The following NRXN1 variants were observed in gnomAD, a reference collection of about 807,000 sequenced individuals.
NRXN1 encodes neurexin 1.
NRXN1 carries 39 observed loss-of-function variants against 150.9 expected under a neutral mutation model. The ratio of observed to expected loss-of-function variants is 0.26; its 90% CI spans 0.20 to 0.34. NRXN1 has a LOEUF of 0.34. Ranked by LOEUF, NRXN1 falls within the 10% of genes least tolerant of loss-of-function variation. The pLI, the probability that NRXN1 is intolerant of heterozygous loss-of-function variation, is 1.00. For missense variants in NRXN1, 1,815 were observed against 1,949.9 expected (o/e 0.93, Z 1.30); for synonymous variants, 924 against 757.0 (o/e 1.22, Z -3.62).
At chr2:50,913,906 C>G (rs373003313) in intron 5 of NRXN1, among the ~76,000 whole-genome samples, 29 of 151,856 alleles carry the variant, frequency 1.9e-4, no homozygotes, top group East Asian at 1.8e-3. Context: ...AACAACCATT[C>G]TGAAAAGCTG....
At chr2:50,970,659 G>A (rs1198100835) in intron 2 of NRXN1, among the ~76,000 whole-genome samples, 1 of 151,988 alleles carries the variant, frequency 6.6e-6, no homozygotes, top group East Asian at 1.9e-4. Flanking sequence ...TCAGTTGAAG[G>A]AAAGCAAATA....
At chr2:50,155,562 A>G (rs546375099) in intron 18 of NRXN1, among the ~76,000 whole-genome samples, 17 of 151,726 alleles carry the variant, frequency 1.1e-4, no homozygotes, top group African/African-American at 4.1e-4. Flanking sequence ...ATTTGGTAAG[A>G]TCCTTCTCTA....
intron 5 of NRXN1, among the ~76,000 whole-genome samples, chr2:50,820,627 G>A (rs4140858): frequency 4.6e-5 from 7 of 151,936 alleles, no homozygotes; most frequent in East Asian, 1.9e-4. Context: ...TTTCATCCTC[G>A]CTCTACCCTC....
intron 18 of NRXN1, among the ~76,000 whole-genome samples, chr2:50,140,024 A>G (rs1343633109): frequency 6.6e-6 from 1 of 152,172 alleles, no homozygotes; most frequent in Non-Finnish European, 1.5e-5. Context: ...AAATTAGTTA[A>G]TACACAGAGC....
In NRXN1 at chr2:50,465,581, A is replaced by G. The variant is rs750520906; in HGVS notation, c.3245-20T>C. On this transcript the variant is annotated intron_variant, in intron 16 of 22. Coordinates refer to ENST00000401669, the MANE Select transcript of NRXN1 (RefSeq NM_001330078.2). ...TGGGCCCTGCAAAACAATCCAAAGG[A>G]AACTTGGGTTCTTTAAAAGAATCCA... The G allele has an allele frequency of 8.2e-6, 13 of 1,589,192 alleles. No homozygotes were observed. The South Asian group carries it at 1.3e-4, about 15-fold the overall frequency.
chr2:50,941,390 A>G (rs1689421728), intron 2 of NRXN1, among the ~76,000 whole-genome samples: 1 of 152,192 alleles, frequency 6.6e-6, no homozygotes, highest in African/African-American at 2.4e-5. Flanking sequence ...TGGAAGACTC[A>G]GAAGAAGACA....
intron 18 of NRXN1, among the ~76,000 whole-genome samples, chr2:50,220,414 A>G (rs1373572517): frequency 6.6e-6 from 1 of 151,966 alleles, no homozygotes; most frequent in South Asian, 2.1e-4. Context: ...AGAAATTCTG[A>G]AAAGATGCAG....
At chr2:50,086,474 G>C (rs1698787720) in intron 19 of NRXN1, among the ~76,000 whole-genome samples, 1 of 152,102 alleles carries the variant, frequency 6.6e-6, no homozygotes, top group South Asian at 2.1e-4. Flanking sequence ...TGGAGTCTTA[G>C]AGCATTTCTC....
At chr2:50,849,702 T>C (rs1674225482) in intron 5 of NRXN1, among the ~76,000 whole-genome samples, 1 of 152,194 alleles carries the variant, frequency 6.6e-6, no homozygotes, top group African/African-American at 2.4e-5. Flanking sequence ...TTCTCTTTGA[T>C]ACACTGATAA....
intron 17 of NRXN1, among the ~76,000 whole-genome samples, chr2:50,389,709 C>T (rs1346154652): frequency 3.9e-5 from 6 of 152,096 alleles, no homozygotes; most frequent in Admixed American, 2.6e-4. Flanking sequence ...TTATCAATGT[C>T]CATCTTCCAC....
chr2:50,138,201 T>C (rs1159977600), intron 18 of NRXN1, among the ~76,000 whole-genome samples: 2 of 152,238 alleles, frequency 1.3e-5, no homozygotes, highest in Non-Finnish European at 2.9e-5. Context: ...AGTCTCATAC[T>C]TAAGTTAATA....
Position 50,683,631 on chromosome 2 carries a change from C to CAAAAAAAAAAAAAA in NRXN1, c.833-60030_833-60017dup, listed in dbSNP as rs745831100. On this transcript the variant is annotated intron_variant, in intron 5 of 22. Coordinates refer to ENST00000401669, the MANE Select transcript of NRXN1 (RefSeq NM_001330078.2). ...TGGGTGACAGAGCAAGACTCCGTCT[C>CAAAAAAAAAAAAAA]AAAAAAAAAAAAAAAATATATATAT... Among the ~76,000 whole-genome samples, 15 of 8,518 alleles carry CAAAAAAAAAAAAAA rather than the reference C, an allele frequency of 1.8e-3. 2 individuals are homozygous for CAAAAAAAAAAAAAA. In the East Asian group the frequency reaches 0.026, roughly 15 times the overall value. The allele number at this position is 8,518 out of a possible 152,430, so 5.6% of individuals were successfully genotyped here.
chr2:50,239,525 T>G (rs2065789640), intron 17 of NRXN1, among the ~76,000 whole-genome samples: 1 of 149,670 alleles, frequency 6.7e-6, no homozygotes, highest in Non-Finnish European at 1.5e-5. Flanking sequence ...ATCTACTTAT[T>G]ATGGAACATA....
At chr2:50,678,629 C>G (rs1689890744) in intron 5 of NRXN1, among the ~76,000 whole-genome samples, 1 of 152,104 alleles carries the variant, frequency 6.6e-6, no homozygotes, top group Non-Finnish European at 1.5e-5. Flanking sequence ...TTTACAGCCT[C>G]CTTCTCCAGA....
intron 9 of NRXN1, among the ~76,000 whole-genome samples, chr2:50,548,605 T>G (rs911641314): frequency 6.6e-6 from 1 of 152,140 alleles, no homozygotes; most frequent in Non-Finnish European, 1.5e-5. Context: ...AATCTTTAGT[T>G]TTTCTTATAC....
chr2:50,457,294 G>C (rs559803492), intron 17 of NRXN1, among the ~76,000 whole-genome samples: 1 of 152,076 alleles, frequency 6.6e-6, no homozygotes, highest in African/African-American at 2.4e-5. Context: ...ACATTACACA[G>C]TGTTAAAGTG....
At chr2:50,498,530 G>C (rs17040747) in intron 13 of NRXN1, among the ~76,000 whole-genome samples, 27,386 of 151,996 alleles carry the variant, frequency 0.18, 3,646 homozygotes, top group East Asian at 0.39. Context: ...GGTGAAGCTT[G>C]GATGCAAATT....
intron 8 of NRXN1, among the ~76,000 whole-genome samples, chr2:50,599,454 G>A (rs1675878312): frequency 6.6e-6 from 1 of 152,144 alleles, no homozygotes; most frequent in African/African-American, 2.4e-5. Flanking sequence ...AAGAAAATTT[G>A]TATCTCTAAC....
chr2:50,704,510 C>T (rs888783364), intron 5 of NRXN1, among the ~76,000 whole-genome samples: 1 of 150,924 alleles, frequency 6.6e-6, no homozygotes, highest in African/African-American at 2.4e-5. Context: ...AGCTAAAAAT[C>T]TGAAAATTGA....
Sources: gnomAD v4.1 joint callset for allele counts (sites outside exome capture counted in the v4.1 genomes callset) on GRCh38, gnomAD v4.1.1 for gene constraint, MANE v1.5 for transcripts, NCBI Gene and HGNC (gene_info 2026-07-23, HGNC 2026-07-21) for gene names.